PLXNA4: variants seen among roughly 807,000 people sequenced by gnomAD.
PLXNA4 encodes the protein plexin A4, also known as plexin-A4.
PLXNA4 carries 44 observed loss-of-function variants against 191.8 expected under a neutral mutation model. The ratio of observed to expected loss-of-function variants is 0.23; its 90% confidence interval spans 0.18 to 0.29. The LOEUF (loss-of-function observed/expected upper bound fraction) is 0.29, where lower values mean the gene tolerates loss of function less well. Among genes scored for constraint, PLXNA4 ranks in the 10% least tolerant of loss-of-function variants. PLXNA4 has a pLI of 1.00. For missense variants in PLXNA4, 1,800 were observed against 2,488.8 expected, an observed-to-expected ratio of 0.72 and a Z score of 5.89; for synonymous variants, 1,082 against 1,009.5, an observed-to-expected ratio of 1.07 and a Z score of -1.36.
upstream of PLXNA4, among the ~76,000 whole-genome samples, chr7:132,580,709 T>C (rs1036506945): frequency 4.6e-5 from 7 of 152,232 alleles, no homozygotes; most frequent in Non-Finnish European, 8.8e-5. Flanking sequence ...TTTATTAGCC[T>C]AGGAACAGTG....
chr7:132,608,954 G>A (rs1802994108), intron 2 of PLXNA4, among the ~76,000 whole-genome samples: 1 of 152,128 alleles, frequency 6.6e-6, no homozygotes, highest in African/African-American at 2.4e-5. Flanking sequence ...CTCTGTCTGG[G>A]ACAGCCAGGA....
chr7:132,196,278 G>A (rs572429369), intron 13 of PLXNA4, among the ~76,000 whole-genome samples: 12 of 152,304 alleles, frequency 7.9e-5, no homozygotes, highest in Admixed American at 2.6e-4. Flanking sequence ...ACCATGCCAC[G>A]CTGCCTTGCA....
At position 132,446,758 on chromosome 7, in the gene PLXNA4, A is replaced by G. The variant is rs553395599; in HGVS notation, c.1371+42534T>C. ...AGGGTTCCATTTTACAGAGGAGGAA[A>G]TAGAGAGTCAACAAGCTAAGGTAAT... is the stretch of plus-strand genomic sequence containing the variant. On this transcript the variant is annotated intron_variant, in intron 3 of 31. Coordinates refer to ENST00000321063, the MANE Select transcript of PLXNA4 (RefSeq NM_020911.2). Among the ~76,000 whole-genome samples the G allele has an allele frequency of 3.5e-4, 53 of 152,330 alleles. No homozygotes were observed. The South Asian group carries it at 0.011, about 32-fold the overall frequency.
rs1795448537 is a variant in PLXNA4 at position 132,435,781 on chromosome 7, C to T, written c.1371+53511G>A. Among the ~76,000 whole-genome samples the T allele has an allele frequency of 2.0e-5, 3 of 152,168 alleles. No individual in the cohort carries two copies. The South Asian group carries it at 6.2e-4, about 32-fold the overall frequency. ...GTCCACTGAGCCCATCTCCCTTCCC[C>T]TTCCTACACATTGGAGTACCCGCTT... On this transcript the variant is annotated intron_variant, in intron 3 of 31. Transcript: ENST00000321063.
At chr7:132,226,681 TG>T (rs1199037767) in intron 7 of PLXNA4, among the ~76,000 whole-genome samples, 3 of 152,190 alleles carry the variant, frequency 2.0e-5, no homozygotes, top group Non-Finnish European at 4.4e-5. Flanking sequence ...TCCCTGTCTC[TG>T]TAAAGAGAGC....
intron 25 of PLXNA4, among the ~76,000 whole-genome samples, chr7:132,150,354 A>T (rs1370206663): frequency 1.3e-5 from 2 of 152,144 alleles, no homozygotes; most frequent in African/African-American, 2.4e-5. Context: ...AGGAAGAGGA[A>T]TCTCTCCAAG....
chr7:132,474,872 T>G (rs933317360), intron 3 of PLXNA4, among the ~76,000 whole-genome samples: 1 of 152,342 alleles, frequency 6.6e-6, no homozygotes, highest in East Asian at 1.9e-4. Context: ...TAATTTGTTT[T>G]AATTTTTTCC....
intron 3 of PLXNA4, among the ~76,000 whole-genome samples, chr7:132,404,240 C>T (rs1423332814): frequency 6.6e-6 from 1 of 152,214 alleles, no homozygotes; most frequent in East Asian, 1.9e-4. Context: ...ATGCCACCAG[C>T]TCTGATGGGC....
At chr7:132,284,555 G>A (rs1800611649) in intron 4 of PLXNA4, among the ~76,000 whole-genome samples, 1 of 152,140 alleles carries the variant, frequency 6.6e-6, no homozygotes, top group Admixed American at 6.5e-5. Context: ...CAAAGGCCAC[G>A]TCTCAGGGAA....
chr7:132,263,086 G>A (rs1799712409), intron 4 of PLXNA4, among the ~76,000 whole-genome samples: 1 of 152,158 alleles, frequency 6.6e-6, no homozygotes, highest in Non-Finnish European at 1.5e-5. Flanking sequence ...CAGGCAGCCT[G>A]CACAGGACCA....
intron 2 of PLXNA4, among the ~76,000 whole-genome samples, chr7:132,604,624 G>A (rs1008340704): frequency 6.6e-6 from 1 of 152,022 alleles, no homozygotes; most frequent in African/African-American, 2.4e-5. Context: ...AGGTTCTCCT[G>A]CCCCACCCCA....
chr7:132,361,105 C>T (rs545701521), intron 3 of PLXNA4, among the ~76,000 whole-genome samples: 25 of 152,274 alleles, frequency 1.6e-4, no homozygotes, highest in South Asian at 4.2e-4. Flanking sequence ...CTGTAATGAG[C>T]GCTAGGGGGT....
intron 3 of PLXNA4, among the ~76,000 whole-genome samples, chr7:132,453,218 A>G (rs925609083): frequency 2.6e-5 from 4 of 152,190 alleles, no homozygotes; most frequent in African/African-American, 4.8e-5. Context: ...CCCTTCTCCC[A>G]AGAAGAGAGA....
At chr7:132,365,391 T>G (rs1804135776) in intron 3 of PLXNA4, among the ~76,000 whole-genome samples, 1 of 114,048 alleles carries the variant, frequency 8.8e-6, no homozygotes, top group African/African-American at 4.1e-5. Context: ...GGCAAGAGTG[T>G]GATGGTGAGT....
At chr7:132,431,717 C>T (rs912703960) in intron 3 of PLXNA4, among the ~76,000 whole-genome samples, 1 of 152,198 alleles carries the variant, frequency 6.6e-6, no homozygotes, top group Non-Finnish European at 1.5e-5. Context: ...AGAGAGAGCA[C>T]AGGCCCTGCA....
chr7:132,224,289 G>A (rs551204930), intron 8 of PLXNA4, among the ~76,000 whole-genome samples: 50 of 152,120 alleles, frequency 3.3e-4, no homozygotes, highest in Non-Finnish European at 6.2e-4. Context: ...CTTTGGCCAC[G>A]AATAGGCCAC....
intron 5 of PLXNA4, among the ~76,000 whole-genome samples, chr7:132,232,761 TGAGGGA>T (rs891920424): frequency 2.0e-4 from 31 of 151,762 alleles, no homozygotes; most frequent in African/African-American, 6.5e-4. Flanking sequence ...AGGAAGGGGG[TGAGGGA>T]GAGGGAGAGA....
intron 3 of PLXNA4, among the ~76,000 whole-genome samples, chr7:132,315,102 G>T (rs1258893611): frequency 6.6e-6 from 1 of 152,122 alleles, no homozygotes; most frequent in African/African-American, 2.4e-5. Flanking sequence ...TTTCCATTTG[G>T]CACCTAAGTG....
intron 9 of PLXNA4, among the ~76,000 whole-genome samples, chr7:132,219,184 G>A (rs1039880714): frequency 5.3e-5 from 8 of 152,192 alleles, no homozygotes; most frequent in African/African-American, 1.9e-4. Context: ...TTGCAGAAGA[G>A]TCACCAGGGC....
Sources: gnomAD v4.1 joint callset for allele counts (sites outside exome capture counted in the v4.1 genomes callset) on GRCh38, gnomAD v4.1.1 for gene constraint, MANE v1.5 for transcripts, NCBI Gene and HGNC (gene_info 2026-07-23, HGNC 2026-07-21) for gene names.